The following PAN3 variants were observed in gnomAD, a reference collection of about 807,000 sequenced individuals.
PAN3 encodes the protein PAN2-PAN3 deadenylation complex subunit PAN3.
A neutral mutation model predicts 96.2 loss-of-function variants in PAN3; 19 were observed. That is an observed-to-expected ratio of 0.20 (90% CI 0.14 to 0.29). The LOEUF is 0.29. PAN3 is among the 10% of genes least tolerant of loss of function. The pLI is 1.00. For missense variants in PAN3, 882 were observed against 1,108.1 expected (o/e 0.80, Z 2.90); for synonymous variants, 433 against 406.6 (o/e 1.06, Z -0.78).
intron 1 of PAN3, among the ~76,000 whole-genome samples, chr13:28,142,260 TATTG>T (rs1475766554): frequency 6.6e-6 from 1 of 152,234 alleles, no homozygotes; most frequent in Non-Finnish European, 1.5e-5. Flanking sequence ...TTTTTACACT[TATTG>T]TTCATTTTTT....
intron 14 of PAN3, among the ~76,000 whole-genome samples, chr13:28,275,882 C>T (rs1593619499): frequency 6.6e-6 from 1 of 152,160 alleles, no homozygotes; most frequent in African/African-American, 2.4e-5. Context: ...GTCTCCTTAT[C>T]TCATGTTCAG....
intron 6 of PAN3, among the ~76,000 whole-genome samples, chr13:28,226,400 C>A (rs1157588057): frequency 6.6e-6 from 1 of 152,064 alleles, no homozygotes; most frequent in African/African-American, 2.4e-5. Flanking sequence ...AAATTGAATT[C>A]TTCAAATTAG....
chr13:28,141,161 C>G (rs1051122631), intron 1 of PAN3, among the ~76,000 whole-genome samples: 1 of 151,866 alleles, frequency 6.6e-6, no homozygotes, highest in Non-Finnish European at 1.5e-5. Context: ...TGCGCCACCA[C>G]GACCGGCTTA....
intron 1 of PAN3, among the ~76,000 whole-genome samples, chr13:28,168,051 A>G (rs1042611897): frequency 1.3e-5 from 2 of 152,192 alleles, no homozygotes; most frequent in Non-Finnish European, 2.9e-5. Flanking sequence ...TTGTGACTTA[A>G]TCACCTTCTA....
chr13:28,231,966 C>G (rs1314807815), intron 6 of PAN3, among the ~76,000 whole-genome samples: 2 of 152,002 alleles, frequency 1.3e-5, no homozygotes, highest in Non-Finnish European at 2.9e-5. Flanking sequence ...CGTTTTATTG[C>G]ATAATATAAA....
At position 28,267,335 on chromosome 13, in the gene PAN3, G is replaced by C; in HGVS notation, c.1726G>C (p.Glu576Gln). 6.2e-7 allele frequency: 1 copy of C among 1,613,818 alleles called. No homozygotes were observed. The highest frequency in any genetic ancestry group is 8.5e-7 in the Non-Finnish European group (1 of 1,179,816). ...VFAYDFHAGG[E>Q]TMMSRHFNDP... ...TGCATATGATTTCCATGCTGGAGGA[G>C]AAACTATGATGAGCAGACACTTTAA... Residue 576 changes from glutamate to glutamine, a missense_variant, in exon 12 of 19, where the codon GAA becomes CAA. This residue lies in a region of PAN3 where 364 missense variants were observed against 513.6 expected (regional missense o/e 0.71). Transcript: ENST00000380958.
intron 9 of PAN3, among the ~76,000 whole-genome samples, chr13:28,262,172 A>C (rs1345146097): frequency 6.6e-6 from 1 of 152,204 alleles, no homozygotes; most frequent in Non-Finnish European, 1.5e-5. Context: ...AGGAATACTG[A>C]AGTTGACAGG....
At chr13:28,280,865 A>G (rs1462513072) in intron 16 of PAN3, among the ~76,000 whole-genome samples, 2 of 152,152 alleles carry the variant, frequency 1.3e-5, no homozygotes, top group African/African-American at 4.8e-5. Flanking sequence ...CTGGCCAGTA[A>G]AGAGTGTAAT....
rs753989098 is a variant in PAN3, at chr13:28,292,531, A to T, written c.*9A>T. On this transcript the variant is annotated 3_prime_UTR_variant, in exon 19 of 19. Coordinates refer to ENST00000380958, the MANE Select transcript of PAN3 (RefSeq NM_175854.8). ...CAAATGGTCAGTTGTAGTATTTGCT[A>T]AAAAAGCACGCAGGACATGGCTAAA... 3.1e-6 allele frequency: 5 copies of T among 1,599,014 alleles called. No individual in the cohort carries two copies. The highest frequency in any genetic ancestry group is 4.5e-5 in the East Asian group (2 of 44,424).
chr13:28,189,349 C>T (rs1224312432), intron 4 of PAN3, among the ~76,000 whole-genome samples: 1 of 152,068 alleles, frequency 6.6e-6, no homozygotes, highest in Non-Finnish European at 1.5e-5. Flanking sequence ...AACCTCATCT[C>T]TACTCAAAAT....
At chr13:28,151,937 T>C (rs1871414955) in intron 1 of PAN3, among the ~76,000 whole-genome samples, 1 of 152,170 alleles carries the variant, frequency 6.6e-6, no homozygotes, top group Non-Finnish European at 1.5e-5. Flanking sequence ...GATGATAAAC[T>C]TCAAGTCTTC....
chr13:28,227,698 GAGAC>G (rs1355878627), intron 6 of PAN3, among the ~76,000 whole-genome samples: 1 of 152,210 alleles, frequency 6.6e-6, no homozygotes, highest in Non-Finnish European at 1.5e-5. Context: ...GGACAGTAAA[GAGAC>G]AGAAATGAAG....
At chr13:28,201,693 A>G (rs1223033706) in intron 5 of PAN3, among the ~76,000 whole-genome samples, 2 of 152,094 alleles carry the variant, frequency 1.3e-5, no homozygotes, top group Non-Finnish European at 2.9e-5. Context: ...AACGACCACA[A>G]CTGCCTGTCT....
intron 1 of PAN3, among the ~76,000 whole-genome samples, chr13:28,160,652 T>G (rs752719365): frequency 6.6e-6 from 1 of 152,208 alleles, no homozygotes; most frequent in Non-Finnish European, 1.5e-5. Context: ...CTTAAAGAAC[T>G]GTTGGGATTG....
At chr13:28,180,573 A>C (rs1424179088) in intron 4 of PAN3, among the ~76,000 whole-genome samples, 2 of 152,212 alleles carry the variant, frequency 1.3e-5, no homozygotes, top group African/African-American at 2.4e-5. Flanking sequence ...AATTATATGA[A>C]TATTGTAATT....
chr13:28,146,387 C>G (rs1237621120), intron 1 of PAN3, among the ~76,000 whole-genome samples: 1 of 151,540 alleles, frequency 6.6e-6, no homozygotes, highest in African/African-American at 2.4e-5. Flanking sequence ...TCCCCCTGCC[C>G]CTCCTCCCCC....
intron 7 of PAN3, among the ~76,000 whole-genome samples, chr13:28,258,265 G>A (rs577993295): frequency 2.0e-5 from 3 of 152,212 alleles, no homozygotes; most frequent in South Asian, 2.1e-4. Context: ...TTAGGGCAGC[G>A]CAAATCAGCT....
chr13:28,161,125 A>G (rs746513611), intron 1 of PAN3, among the ~76,000 whole-genome samples: 6 of 152,058 alleles, frequency 3.9e-5, no homozygotes, highest in Non-Finnish European at 5.9e-5. Context: ...TGACTGAAAT[A>G]TTTTTATTAA....
chr13:28,244,428 C>G (rs1431076835), intron 6 of PAN3, among the ~76,000 whole-genome samples: 8 of 151,872 alleles, frequency 5.3e-5, no homozygotes, highest in Non-Finnish European at 1.0e-4. Flanking sequence ...TCTATATAAC[C>G]ATCTGTTTGT....
Sources: allele counts gnomAD v4.1 joint callset (sites outside exome capture counted in the v4.1 genomes callset), GRCh38; gene constraint gnomAD v4.1.1; regional missense constraint gnomAD v4.1.1; transcripts MANE v1.5; gene names NCBI Gene and HGNC (gene_info 2026-07-23, HGNC 2026-07-21).